The following CTNNA2 variants were observed in gnomAD, a reference collection of about 807,000 sequenced individuals.
The protein encoded by CTNNA2 is catenin alpha-2.
A neutral mutation model predicts 101.0 loss-of-function variants in CTNNA2; 42 were observed. The observed-to-expected ratio is 0.42, with a 90% CI of 0.32 to 0.54. The LOEUF (loss-of-function observed/expected upper bound fraction) is 0.54, where lower values mean the gene tolerates loss of function less well. Ranked by LOEUF, CTNNA2 falls within the 20% of genes least tolerant of loss-of-function variation. The probability of loss-of-function intolerance (pLI) is 0.14; values close to 1 mark genes in which losing one functional copy is unlikely to be tolerated. For synonymous variants in CTNNA2, 450 were observed against 456.4 expected (o/e 0.99, Z 0.18); for missense variants, 871 against 1,223.1 (o/e 0.71, Z 4.29).
intron 6 of CTNNA2, among the ~76,000 whole-genome samples, chr2:79,904,569 AG>A: frequency 6.6e-6 from 1 of 152,350 alleles, no homozygotes; most frequent in East Asian, 1.9e-4. Context: ...TGAAATCAAA[AG>A]ACCTGTGCTC....
intron 4 of CTNNA2, among the ~76,000 whole-genome samples, chr2:79,418,439 A>C (rs537318334): frequency 5.3e-5 from 8 of 152,304 alleles, no homozygotes; most frequent in Admixed American, 1.3e-4. Context: ...GTAATAATTA[A>C]GGAAAGATAA....
intron 7 of CTNNA2, among the ~76,000 whole-genome samples, chr2:80,285,041 G>T (rs1674648000): frequency 6.6e-6 from 1 of 152,200 alleles, no homozygotes; most frequent in African/African-American, 2.4e-5. Context: ...CTTTCTTCTA[G>T]ACATCACTTT....
intron 4 of CTNNA2, among the ~76,000 whole-genome samples, chr2:79,446,594 G>A (rs768710992): frequency 2.0e-5 from 3 of 151,988 alleles, no homozygotes; most frequent in Non-Finnish European, 2.9e-5. Context: ...CTGGTGGCCT[G>A]TTCCTTTTGA....
chr2:79,736,222 C>T (rs935085470), intron 2 of CTNNA2, among the ~76,000 whole-genome samples: 6 of 152,118 alleles, frequency 3.9e-5, no homozygotes, highest in African/African-American at 1.4e-4. Context: ...ATCTTTAAAT[C>T]TCACAAGTAT....
At position 80,623,699 on chromosome 2, in the gene CTNNA2, A is replaced by G. The variant is rs527753901; in HGVS notation, c.2574+4471A>G. ...CCATGTTGCAAAAACTTCTTGAATC[A>G]GGAATGGTAGGGAGTAGGTTCTTGG... On this transcript the variant is annotated intron_variant, in intron 18 of 18. Transcript: ENST00000402739. Among the ~76,000 whole-genome samples, 40 of 152,018 alleles carry G rather than the reference A, an allele frequency of 2.6e-4. No homozygotes were observed. The Middle Eastern group carries it at 0.014, about 52-fold the overall frequency.
chr2:80,243,212 C>T (rs1365393135), intron 7 of CTNNA2, among the ~76,000 whole-genome samples: 1 of 152,126 alleles, frequency 6.6e-6, no homozygotes, highest in East Asian at 1.9e-4. Flanking sequence ...GGGGGAATTC[C>T]TGTGTCTTCC....
At chr2:79,523,711 A>G (rs1051758268) in intron 1 of CTNNA2, among the ~76,000 whole-genome samples, 1 of 152,208 alleles carries the variant, frequency 6.6e-6, no homozygotes, top group African/African-American at 2.4e-5. Flanking sequence ...CACCAACAAT[A>G]TGAAAGTGCA....
chr2:79,342,406 G>C (rs1677158121), intron 3 of CTNNA2, among the ~76,000 whole-genome samples: 1 of 152,112 alleles, frequency 6.6e-6, no homozygotes, highest in South Asian at 2.1e-4. Context: ...GTTTGCTATG[G>C]GTCTTGACTA....
chr2:79,936,447 G>A (rs1411713149), intron 7 of CTNNA2, among the ~76,000 whole-genome samples: 1 of 151,774 alleles, frequency 6.6e-6, no homozygotes, highest in Non-Finnish European at 1.5e-5. Context: ...CAGACAACCC[G>A]ACCCCCTTTT....
At chr2:79,776,347 G>C (rs1471929280) in intron 3 of CTNNA2, among the ~76,000 whole-genome samples, 4 of 152,010 alleles carry the variant, frequency 2.6e-5, no homozygotes, top group Non-Finnish European at 4.4e-5. Context: ...TAGTGTCTGG[G>C]TACCACCAAA....
At chr2:80,400,056 T>G (rs1451509654) in intron 8 of CTNNA2, among the ~76,000 whole-genome samples, 1 of 152,196 alleles carries the variant, frequency 6.6e-6, no homozygotes, top group African/African-American at 2.4e-5. Flanking sequence ...GAGTGTGTGG[T>G]GCATCTACCA....
At chr2:80,575,609 G>A (rs1694975941) in intron 13 of CTNNA2, among the ~76,000 whole-genome samples, 1 of 152,086 alleles carries the variant, frequency 6.6e-6, no homozygotes, top group African/African-American at 2.4e-5. Flanking sequence ...CATGAGAATT[G>A]TATTTTCAAA....
intron 18 of CTNNA2, among the ~76,000 whole-genome samples, chr2:80,630,658 ATAGT>A (rs1318621616): frequency 4.6e-5 from 7 of 152,128 alleles, no homozygotes; most frequent in African/African-American, 1.7e-4. Context: ...ATAAAAATAA[ATAGT>A]TAAAATAAAA....
intron 2 of CTNNA2, among the ~76,000 whole-genome samples, chr2:79,301,916 C>T (rs960860870): frequency 6.6e-6 from 1 of 151,940 alleles, no homozygotes. Context: ...CAGGATGAAA[C>T]TCTGTCTCTA....
intron 1 of CTNNA2, among the ~76,000 whole-genome samples, chr2:79,561,000 G>T (rs1674743807): frequency 6.6e-6 from 1 of 151,804 alleles, no homozygotes; most frequent in Non-Finnish European, 1.5e-5. Context: ...TAGAATATTT[G>T]CAAGGTTGTG....
chr2:80,108,922 A>G (rs1429861350), intron 7 of CTNNA2, among the ~76,000 whole-genome samples: 2 of 151,934 alleles, frequency 1.3e-5, no homozygotes, highest in Non-Finnish European at 2.9e-5. Flanking sequence ...AACACACACC[A>G]GTTATTTGCT....
intron 18 of CTNNA2, among the ~76,000 whole-genome samples, chr2:80,641,910 AT>A (rs1340908843): frequency 6.6e-6 from 1 of 152,152 alleles, no homozygotes; most frequent in Non-Finnish European, 1.5e-5. Flanking sequence ...AAAGGACAAA[AT>A]CAAACATGTT....
chr2:79,930,279 A>C (rs1687312558), intron 7 of CTNNA2, among the ~76,000 whole-genome samples: 1 of 14,328 alleles, frequency 7.0e-5, no homozygotes, highest in Non-Finnish European at 5.0e-4. Context: ...AGAAAGAAAG[A>C]GAGAGAGAGA....
chr2:79,680,122 T>C (rs952808293), intron 2 of CTNNA2, among the ~76,000 whole-genome samples: 1 of 152,098 alleles, frequency 6.6e-6, no homozygotes. Context: ...TTATTGCCTC[T>C]CGGTGGCCAC....
Sources: gnomAD v4.1 joint callset for allele counts (sites outside exome capture counted in the v4.1 genomes callset) on GRCh38, gnomAD v4.1.1 for gene constraint, MANE v1.5 for transcripts, NCBI Gene and HGNC (gene_info 2026-07-23, HGNC 2026-07-21) for gene names.